SLIT3: variants seen among roughly 807,000 people sequenced by gnomAD.
SLIT3 encodes the protein slit guidance ligand 3, also known as slit homolog 3 protein.
SLIT3 carries 68 observed loss-of-function variants against 184.0 expected under a neutral mutation model. The ratio of observed to expected loss-of-function variants is 0.37; its 90% confidence interval spans 0.30 to 0.45. The LOEUF (loss-of-function observed/expected upper bound fraction) is 0.45. SLIT3 is among the 20% of genes least tolerant of loss of function. SLIT3 has a pLI of 1.00. For synonymous variants in SLIT3, 831 were observed against 828.6 expected (o/e 1.00, Z -0.05); for missense variants, 1,707 against 2,026.0 (o/e 0.84, Z 3.02).
rs140611225 is a variant in SLIT3, at chr5:168,738,348, C to T, written c.2270+9954G>A. On this transcript the variant is annotated intron_variant, in intron 20 of 35. Transcript: ENST00000519560. ...GTGCACTTGCAGGTTTTACCAAAAC[C>T]AGGAATGCCCTTGATGAAGTACCAA... is the stretch of plus-strand genomic sequence containing the variant. Among the ~76,000 whole-genome samples, 339 of 152,304 alleles carry T rather than the reference C, an allele frequency of 2.2e-3. 4 individuals are homozygous for T. The highest frequency in any genetic ancestry group is 3.4e-3 in the Middle Eastern group (1 of 294).
chr5:168,682,269 C>T (rs982352119), intron 32 of SLIT3, among the ~76,000 whole-genome samples: 2 of 152,228 alleles, frequency 1.3e-5, no homozygotes, highest in African/African-American at 4.8e-5. Flanking sequence ...TCTTTGCTGA[C>T]CTCCCAGCAT....
chr5:169,225,427 A>G (rs373909726), intron 3 of SLIT3, among the ~76,000 whole-genome samples: 1 of 152,326 alleles, frequency 6.6e-6, no homozygotes, highest in South Asian at 2.1e-4. Context: ...CCAAAGCAGG[A>G]CGCTGCTCAC....
chr5:169,101,541 C>T (rs1268708903), intron 4 of SLIT3, among the ~76,000 whole-genome samples: 1 of 152,190 alleles, frequency 6.6e-6, no homozygotes, highest in African/African-American at 2.4e-5. Context: ...TCCAGGACTC[C>T]TTGGTCTCCT....
At position 168,817,466 on chromosome 5, in the gene SLIT3, G is replaced by C; in HGVS notation, c.630-3C>G. Reference sequence around the variant, plus strand: ...ACAGGTGGTTGGAGTGGAGGCGCCTGGGAGAGGGCGGGACAGAGAGAAGGC... The same window carrying C: ...ACAGGTGGTTGGAGTGGAGGCGCCTCGGAGAGGGCGGGACAGAGAGAAGGC... On this transcript the variant is annotated splice_region_variant and splice_polypyrimidine_tract_variant and intron_variant, in intron 7 of 35. Transcript: ENST00000519560. 6.2e-7 allele frequency: 1 copy of C among 1,611,382 alleles called. No homozygotes were observed.
chr5:168,800,324 G>A (rs892885726), intron 9 of SLIT3, among the ~76,000 whole-genome samples: 4 of 152,296 alleles, frequency 2.6e-5, no homozygotes, highest in Admixed American at 6.5e-5. Context: ...AGTGGCTCAC[G>A]CCTGTAATCC....
intron 26 of SLIT3, among the ~76,000 whole-genome samples, chr5:168,704,756 G>T (rs1051774846): frequency 1.3e-5 from 2 of 152,144 alleles, no homozygotes; most frequent in Admixed American, 6.5e-5. Flanking sequence ...GCTTCCCAAG[G>T]TCACTCAGCT....
intron 32 of SLIT3, among the ~76,000 whole-genome samples, chr5:168,682,114 G>C (rs375931917): frequency 1.3e-5 from 2 of 152,148 alleles, no homozygotes; most frequent in Non-Finnish European, 2.9e-5. Context: ...GATGTTAGGC[G>C]GCCCAGGCTC....
At chr5:169,122,544 CTCTGTAAAGCTA>C (rs1760921715) in intron 4 of SLIT3, among the ~76,000 whole-genome samples, 2 of 152,148 alleles carry the variant, frequency 1.3e-5, no homozygotes, top group East Asian at 3.9e-4. Flanking sequence ...AGGCAGTTCT[CTCTGTAAAGCTA>C]TATCAGTTTC....
intron 1 of SLIT3, among the ~76,000 whole-genome samples, chr5:169,275,536 A>G (rs1348455408): frequency 6.6e-6 from 1 of 152,188 alleles, no homozygotes; most frequent in Non-Finnish European, 1.5e-5. Flanking sequence ...GACACACCCA[A>G]GACTGGGAAG....
chr5:168,846,680 G>A (rs779070047), intron 5 of SLIT3, among the ~76,000 whole-genome samples: 11 of 152,212 alleles, frequency 7.2e-5, no homozygotes, highest in Non-Finnish European at 1.5e-4. Flanking sequence ...ATCACATTGG[G>A]AAGTCTGGGG....
intron 4 of SLIT3, among the ~76,000 whole-genome samples, chr5:169,075,095 A>T (rs1220903485): frequency 6.6e-6 from 1 of 152,086 alleles, no homozygotes; most frequent in Non-Finnish European, 1.5e-5. Flanking sequence ...TAAACATAAT[A>T]CATCACCGAG....
At chr5:169,092,916 G>T (rs1759644821) in intron 4 of SLIT3, among the ~76,000 whole-genome samples, 1 of 152,186 alleles carries the variant, frequency 6.6e-6, no homozygotes, top group Admixed American at 6.5e-5. Flanking sequence ...CTATTATGCT[G>T]ACCTGATACA....
At chr5:169,261,436 CCCTT>C (rs1265793680) in intron 1 of SLIT3, among the ~76,000 whole-genome samples, 1 of 151,950 alleles carries the variant, frequency 6.6e-6, no homozygotes, top group African/African-American at 2.4e-5. Flanking sequence ...GATCTTTCTT[CCCTT>C]CCTTCTTTCT....
intron 3 of SLIT3, among the ~76,000 whole-genome samples, chr5:169,202,327 C>T (rs1763927341): frequency 6.6e-6 from 1 of 152,186 alleles, no homozygotes; most frequent in Admixed American, 6.5e-5. Flanking sequence ...AGGGCACTTA[C>T]TACTATGAGC....
chr5:168,691,192 C>T (rs1582534453), intron 29 of SLIT3, among the ~76,000 whole-genome samples: 1 of 152,314 alleles, frequency 6.6e-6, no homozygotes, highest in South Asian at 2.1e-4. Context: ...TTCCAATCCC[C>T]ACTATACTCC....
chr5:169,075,506 T>C (rs1382784323), intron 4 of SLIT3, among the ~76,000 whole-genome samples: 1 of 152,180 alleles, frequency 6.6e-6, no homozygotes, highest in Non-Finnish European at 1.5e-5. Flanking sequence ...TAAGAAACAC[T>C]TGCTTCTAAA....
intron 4 of SLIT3, among the ~76,000 whole-genome samples, chr5:169,150,444 G>A (rs139984114): frequency 6.6e-6 from 1 of 151,758 alleles, no homozygotes; most frequent in African/African-American, 2.4e-5. Flanking sequence ...GTCTAACTAA[G>A]GAAGAAAAAA....
chr5:169,256,287 A>G (rs539753792), intron 1 of SLIT3, among the ~76,000 whole-genome samples: 9 of 152,300 alleles, frequency 5.9e-5, no homozygotes, highest in African/African-American at 2.2e-4. Flanking sequence ...CTGTCTCTTA[A>G]AAGAACAACA....
At chr5:168,984,345 A>G (rs1755051702) in intron 4 of SLIT3, among the ~76,000 whole-genome samples, 1 of 152,150 alleles carries the variant, frequency 6.6e-6, no homozygotes, top group African/African-American at 2.4e-5. Flanking sequence ...CTCTTTAACA[A>G]GAGAACTGGT....
Sources: gnomAD v4.1 joint callset for allele counts (sites outside exome capture counted in the v4.1 genomes callset) on GRCh38, gnomAD v4.1.1 for gene constraint, MANE v1.5 for transcripts, NCBI Gene and HGNC (gene_info 2026-07-23, HGNC 2026-07-21) for gene names.